The following LDB2 variants were observed in gnomAD, a reference collection of about 807,000 sequenced individuals.
The protein encoded by LDB2 is LIM domain-binding protein 2.
Under a neutral mutation model 44.3 loss-of-function variants are expected in LDB2, and 12 were observed. That is an observed-to-expected ratio of 0.27 (90% CI 0.17 to 0.44). The LOEUF is 0.44. Among genes scored for constraint, LDB2 ranks in the 20% least tolerant of loss-of-function variants. The pLI is 1.00. For missense variants in LDB2, 344 were observed against 473.5 expected (o/e 0.73, Z 2.54); for synonymous variants, 164 against 174.8 (o/e 0.94, Z 0.49).
intron 5 of LDB2, among the ~76,000 whole-genome samples, chr4:16,550,087 AAG>A (rs1333786841): frequency 6.6e-5 from 10 of 152,340 alleles, no homozygotes; most frequent in Middle Eastern, 6.8e-3. Context: ...TTTGGAATCA[AAG>A]ATCTTACCTA....
intron 2 of LDB2, among the ~76,000 whole-genome samples, chr4:16,736,390 C>T (rs1282251070): frequency 1.3e-5 from 2 of 152,232 alleles, no homozygotes; most frequent in East Asian, 1.9e-4. Flanking sequence ...TTTACATTGT[C>T]TATTTGCCTG....
chr4:16,809,920 T>G (rs1017854123), intron 1 of LDB2, among the ~76,000 whole-genome samples: 1 of 152,204 alleles, frequency 6.6e-6, no homozygotes, highest in Non-Finnish European at 1.5e-5. Flanking sequence ...GGTAAATAAC[T>G]AACAAGTACT....
chr4:16,801,845 GC>G (rs1379459466), intron 1 of LDB2, among the ~76,000 whole-genome samples: 1 of 152,134 alleles, frequency 6.6e-6, no homozygotes, highest in Non-Finnish European at 1.5e-5. Flanking sequence ...TGGAAAAGGT[GC>G]TTTCAGGAAA....
At chr4:16,648,932 G>A (rs187477165) in intron 2 of LDB2, among the ~76,000 whole-genome samples, 2 of 152,208 alleles carry the variant, frequency 1.3e-5, no homozygotes, top group East Asian at 3.9e-4. Context: ...GCAGGGCAGA[G>A]TTTAAAAATG....
intron 1 of LDB2, among the ~76,000 whole-genome samples, chr4:16,869,469 T>C (rs1183460615): frequency 6.6e-6 from 1 of 152,314 alleles, no homozygotes; most frequent in East Asian, 1.9e-4. Flanking sequence ...ACAACTATGT[T>C]ATATGAACAC....
intron 1 of LDB2, among the ~76,000 whole-genome samples, chr4:16,816,786 C>T (rs1483571174): frequency 6.6e-6 from 1 of 152,148 alleles, no homozygotes; most frequent in Admixed American, 6.5e-5. Context: ...AAGAAGGGCA[C>T]AGCCAAATCT....
intron 1 of LDB2, among the ~76,000 whole-genome samples, chr4:16,781,739 C>T (rs1049305579): frequency 2.6e-4 from 40 of 152,140 alleles, no homozygotes; most frequent in Admixed American, 2.2e-3. Flanking sequence ...TGCCTGGAAT[C>T]TCGGAATGTG....
intron 1 of LDB2, among the ~76,000 whole-genome samples, chr4:16,805,484 A>G (rs1778605523): frequency 6.6e-6 from 1 of 152,210 alleles, no homozygotes; most frequent in South Asian, 2.1e-4. Flanking sequence ...CAGGGTGTCC[A>G]GTGTCTCCTG....
chr4:16,549,074 G>A (rs1736764729), intron 5 of LDB2, among the ~76,000 whole-genome samples: 1 of 152,158 alleles, frequency 6.6e-6, no homozygotes, highest in Admixed American at 6.5e-5. Flanking sequence ...AATTATTGAA[G>A]GAATCTGGTG....
intron 1 of LDB2, among the ~76,000 whole-genome samples, chr4:16,847,960 C>A (rs1404271921): frequency 6.6e-6 from 1 of 151,778 alleles, no homozygotes; most frequent in Non-Finnish European, 1.5e-5. Context: ...TGCTATAATG[C>A]AAATGAAAAA....
At chr4:16,871,572 T>C (rs994193354) in intron 1 of LDB2, among the ~76,000 whole-genome samples, 2 of 151,988 alleles carry the variant, frequency 1.3e-5, no homozygotes, top group Non-Finnish European at 2.9e-5. Flanking sequence ...TTCTTAATCA[T>C]TAATGTAAAA....
chr4:16,609,310 C>A (rs957790430), intron 2 of LDB2, among the ~76,000 whole-genome samples: 1 of 130,814 alleles, frequency 7.6e-6, no homozygotes, highest in African/African-American at 3.0e-5. Flanking sequence ...AGCCTCTCAG[C>A]TGGAATCTGC....
chr4:16,600,213 T>C (rs977695349), intron 2 of LDB2, among the ~76,000 whole-genome samples: 19 of 152,212 alleles, frequency 1.2e-4, no homozygotes, highest in African/African-American at 4.6e-4. Flanking sequence ...TTAGATTTTA[T>C]ACTGTTACAA....
chr4:16,639,735 C>T (rs1398003537), intron 2 of LDB2, among the ~76,000 whole-genome samples: 1 of 152,210 alleles, frequency 6.6e-6, no homozygotes, highest in Admixed American at 6.5e-5. Flanking sequence ...GTTGGGATTA[C>T]AGGCGTGAGC....
chr4:16,887,302 C>A (rs760226958), intron 1 of LDB2, among the ~76,000 whole-genome samples: 4 of 151,994 alleles, frequency 2.6e-5, no homozygotes, highest in African/African-American at 4.8e-5. Context: ...AAGTTAGCCC[C>A]GCTTGGGTTT....
chr4:16,781,121 G>A (rs755158303), intron 1 of LDB2, among the ~76,000 whole-genome samples: 1 of 152,152 alleles, frequency 6.6e-6, no homozygotes, highest in Non-Finnish European at 1.5e-5. Context: ...TTACTAAGAA[G>A]AGCTAAGACT....
intron 5 of LDB2, among the ~76,000 whole-genome samples, chr4:16,566,764 T>C (rs187793612): frequency 1.3e-5 from 2 of 152,230 alleles, no homozygotes; most frequent in South Asian, 2.1e-4. Context: ...CACAGCAAAG[T>C]TGTTTCTTTA....
At chr4:16,757,314 A>C (rs1324464112) in intron 2 of LDB2, among the ~76,000 whole-genome samples, 1 of 152,196 alleles carries the variant, frequency 6.6e-6, no homozygotes, top group Non-Finnish European at 1.5e-5. Flanking sequence ...CAAGACCGTC[A>C]ATCATCTTTG....
intron 5 of LDB2, among the ~76,000 whole-genome samples, chr4:16,519,694 A>G (rs991974383): frequency 3.3e-5 from 5 of 150,788 alleles, no homozygotes; most frequent in Non-Finnish European, 3.0e-5. Context: ...CAAGTCAGCC[A>G]TTATCTAGCT....
Sources: allele counts gnomAD v4.1 joint callset (sites outside exome capture counted in the v4.1 genomes callset), GRCh38; gene constraint gnomAD v4.1.1; transcripts MANE v1.5; gene names NCBI Gene and HGNC (gene_info 2026-07-23, HGNC 2026-07-21).